CADPS: variants seen among roughly 807,000 people sequenced by gnomAD.
The protein encoded by CADPS is calcium dependent secretion activator.
A neutral mutation model predicts 167.3 loss-of-function variants in CADPS; 57 were observed. The ratio of observed to expected loss-of-function variants is 0.34; its 90% CI spans 0.28 to 0.42. CADPS has a LOEUF of 0.42. CADPS is among the 20% of genes least tolerant of loss of function. The pLI is 1.00. For missense variants in CADPS, 1,414 were observed against 1,738.1 expected (o/e 0.81, Z 3.32); for synonymous variants, 676 against 635.3 (o/e 1.06, Z -0.96).
At position 62,727,448 on chromosome 3, in the gene CADPS, T is replaced by C. The variant is rs547711500; in HGVS notation, c.888+25993A>G. ...TGAGAAATCTGTGGAGCATTGTTGA[T>C]TTTACAGGCCCAATACCCACCTTTT... On this transcript the variant is annotated intron_variant, in intron 3 of 29. Coordinates refer to ENST00000383710, the MANE Select transcript of CADPS (RefSeq NM_003716.4). Among the ~76,000 whole-genome samples, 15 of 151,994 alleles carry C rather than the reference T, an allele frequency of 9.9e-5. No homozygotes were observed. In the South Asian group the frequency reaches 2.1e-3, roughly 21 times the overall value.
chr3:62,603,993 ATT>A (rs11426162), intron 6 of CADPS, among the ~76,000 whole-genome samples: 2 of 147,602 alleles, frequency 1.4e-5, no homozygotes, highest in Non-Finnish European at 1.5e-5. Context: ...CGCCCGGCTA[ATT>A]TTTTTTTTTT....
At chr3:62,856,163 G>A (rs770126065) in intron 1 of CADPS, among the ~76,000 whole-genome samples, 2 of 152,170 alleles carry the variant, frequency 1.3e-5, no homozygotes, top group African/African-American at 2.4e-5. Context: ...GTATTAGAGA[G>A]TAGTCCATTA....
intron 28 of CADPS, among the ~76,000 whole-genome samples, chr3:62,428,090 A>G (rs2053131257): frequency 6.6e-6 from 1 of 152,172 alleles, no homozygotes; most frequent in South Asian, 2.1e-4. Flanking sequence ...CTTTTGATAC[A>G]GGAATATTCA....
chr3:62,707,443 A>G (rs1202613641), intron 3 of CADPS, among the ~76,000 whole-genome samples: 6 of 152,130 alleles, frequency 3.9e-5, no homozygotes, highest in Non-Finnish European at 8.8e-5. Flanking sequence ...CATTATATCC[A>G]TAACACTCAA....
Position 62,589,284 on chromosome 3 carries a change from C to T in CADPS, c.1437+3353G>A, listed in dbSNP as rs141809285. ...CCAGCTGCTGCCCATGAAGATGCTG[C>T]CAGCAGAGGGTGTCCAGCCAGCACA... On this transcript the variant is annotated intron_variant, in intron 7 of 29. Coordinates refer to ENST00000383710, the MANE Select transcript of CADPS (RefSeq NM_003716.4). Among the ~76,000 whole-genome samples, 578 of 152,312 alleles carry T rather than the reference C, an allele frequency of 3.8e-3. 3 individuals carry two copies. Among genetic ancestry groups the T allele is most frequent in the African/African-American group, 0.013 (521 of 41,558 alleles).
At chr3:62,707,995 G>A (rs2082642408) in intron 3 of CADPS, among the ~76,000 whole-genome samples, 1 of 151,962 alleles carries the variant, frequency 6.6e-6, no homozygotes, top group South Asian at 2.1e-4. Flanking sequence ...GCATGATCTT[G>A]GCTCACTTCA....
intron 7 of CADPS, among the ~76,000 whole-genome samples, chr3:62,587,108 G>A (rs570289951): frequency 2.6e-5 from 4 of 152,214 alleles, no homozygotes; most frequent in Non-Finnish European, 5.9e-5. Context: ...GTGTTTGCCA[G>A]TAGGTCAGGT....
In CADPS at chr3:62,399,205, T is replaced by G; in HGVS notation, c.*201A>C. On this transcript the variant is annotated 3_prime_UTR_variant, in exon 30 of 30. Transcript: ENST00000383710. The surrounding 1 kb of genome is among the most constrained non-coding windows in gnomAD (Gnocchi z 5.6). ...TGGTGCTCCATATTGCTTGTAAACA[T>G]ATAGACATGGACATCAGGAAATCAG... 1 of 558,852 alleles carries G rather than the reference T, an allele frequency of 1.8e-6. No individual in the cohort carries two copies. The allele number at this position is 558,852 out of a possible 1,614,324, so 34.6% of individuals were successfully genotyped here. A position where few individuals can be genotyped will look rare whatever the true frequency, so the allele number is the denominator to read the frequency against.
intron 17 of CADPS, among the ~76,000 whole-genome samples, chr3:62,512,315 C>A (rs1464839916): frequency 6.6e-6 from 1 of 152,098 alleles, no homozygotes; most frequent in African/African-American, 2.4e-5. Flanking sequence ...CATACAAGAA[C>A]AACATGGATA....
At chr3:62,555,164 T>C (rs888884202) in intron 10 of CADPS, among the ~76,000 whole-genome samples, 1 of 152,254 alleles carries the variant, frequency 6.6e-6, no homozygotes, top group Non-Finnish European at 1.5e-5. Context: ...ACTTAGCACA[T>C]GGAAAGATAG....
intron 9 of CADPS, among the ~76,000 whole-genome samples, chr3:62,570,608 C>T (rs1197656385): frequency 2.0e-5 from 3 of 151,744 alleles, no homozygotes; most frequent in Admixed American, 1.3e-4. Context: ...CTGTATTGTT[C>T]GAATTAAAAA....
intron 11 of CADPS, among the ~76,000 whole-genome samples, chr3:62,539,804 G>A (rs780524445): frequency 6.6e-6 from 1 of 152,010 alleles, no homozygotes; most frequent in Admixed American, 6.6e-5. Context: ...GATTGGAAAC[G>A]GCTTATTTAA....
intron 27 of CADPS, chr3:62,439,526 A>C (rs746476146): frequency 3.3e-5 from 5 of 152,204 alleles, no homozygotes; most frequent in Admixed American, 2.0e-4. Flanking sequence ...TGATGGTCCT[A>C]TAATTGTTGC....
intron 4 of CADPS, among the ~76,000 whole-genome samples, chr3:62,653,766 A>C: frequency 6.6e-6 from 1 of 152,170 alleles, no homozygotes; most frequent in South Asian, 2.1e-4. Flanking sequence ...TGATAAATTA[A>C]GTTCTGAAAG....
At position 62,557,401 on chromosome 3, in the gene CADPS, G is replaced by A; in HGVS notation, c.1753+4C>T. The A allele has an allele frequency of 1.2e-6, 2 of 1,608,142 alleles. No homozygotes were observed. Among genetic ancestry groups the A allele is most frequent in the Non-Finnish European group, 1.7e-6 (2 of 1,174,608 alleles). ...GGCTCGTGGCCTTGAGGGTCGGTGG[G>A]TACCTGGCTGGGGGTCGGTGTAATC... On this transcript the variant is annotated splice_donor_region_variant and intron_variant, in intron 10 of 29. Coordinates refer to ENST00000383710, the MANE Select transcript of CADPS (RefSeq NM_003716.4).
At position 62,753,234 on chromosome 3, in the gene CADPS, C is replaced by A. The variant is rs571092776; in HGVS notation, c.888+207G>T. Among the ~76,000 whole-genome samples the A allele has an allele frequency of 1.3e-5, 2 of 152,158 alleles. No homozygotes were observed. The highest frequency in any genetic ancestry group is 4.8e-5 in the African/African-American group (2 of 41,512). ...CTAGGGCCCCTGAGACTTTTAAGGG[C>A]TCATAAAAATGTTTTATTTATTTAT... On this transcript the variant is annotated intron_variant, in intron 3 of 29. Coordinates refer to ENST00000383710, the MANE Select transcript of CADPS (RefSeq NM_003716.4). This position sits in a 1 kb window ranked among gnomAD's most constrained non-coding sequence, Gnocchi z 4.6.
chr3:62,513,143 A>C (rs927175815), intron 16 of CADPS, among the ~76,000 whole-genome samples: 2 of 152,134 alleles, frequency 1.3e-5, no homozygotes, highest in Non-Finnish European at 2.9e-5. Context: ...TAGAGAACAG[A>C]CAGGAGGCAT....
At position 62,753,552 on chromosome 3, in the gene CADPS, T is replaced by G. The variant is rs1404564276; in HGVS notation, c.777A>C (p.Thr259=). Reference sequence around the variant, plus strand: ...GAATCAGCTCGGAGGCTGCGCTGGCTGTCATCCGGGCCTGCTGCTTCCGCG... The same window carrying G: ...GAATCAGCTCGGAGGCTGCGCTGGCGGTCATCCGGGCCTGCTGCTTCCGCG... The part of the protein sequence containing the change: ...EDPRKQQARM[T]ASAASELILS... Residue 259 remains threonine (T), a synonymous_variant, in exon 3 of 30, where the codon ACA becomes ACC. Coordinates refer to ENST00000383710, the MANE Select transcript of CADPS (RefSeq NM_003716.4). The surrounding 1 kb of genome is among the most constrained non-coding windows in gnomAD (Gnocchi z 4.6). 1 of 1,614,034 alleles carries G rather than the reference T, an allele frequency of 6.2e-7. No individual in the cohort carries two copies. The highest frequency in any genetic ancestry group is 1.3e-5 in the African/African-American group (1 of 74,920).
At chr3:62,857,865 A>G (rs2153158169) in intron 1 of CADPS, among the ~76,000 whole-genome samples, 1 of 152,232 alleles carries the variant, frequency 6.6e-6, no homozygotes. Flanking sequence ...CTCTTCAGTT[A>G]TAATAAAAGT....
Sources: allele counts gnomAD v4.1 joint callset (sites outside exome capture counted in the v4.1 genomes callset), GRCh38; gene constraint gnomAD v4.1.1; non-coding constraint Gnocchi (gnomAD v3.1); transcripts MANE v1.5; gene names NCBI Gene and HGNC (gene_info 2026-07-23, HGNC 2026-07-21).